Variants in NRXN1 observed in about 807,000 individuals in gnomAD.
NRXN1 encodes the protein neurexin 1.
NRXN1 carries 39 observed loss-of-function variants against 150.9 expected under a neutral mutation model. The ratio of observed to expected loss-of-function variants is 0.26; its 90% confidence interval spans 0.20 to 0.34. The LOEUF is 0.34. Ranked by LOEUF, NRXN1 falls within the 10% of genes least tolerant of loss-of-function variation. The pLI is 1.00. For synonymous variants in NRXN1, 924 were observed against 757.0 expected, an observed-to-expected ratio of 1.22 and a Z score of -3.62; for missense variants, 1,815 against 1,949.9, an observed-to-expected ratio of 0.93 and a Z score of 1.30.
intron 21 of NRXN1, among the ~76,000 whole-genome samples, chr2:49,962,264 A>G (rs1676102100): frequency 6.6e-6 from 1 of 152,214 alleles, no homozygotes; most frequent in South Asian, 2.1e-4. Context: ...GATTATCTCT[A>G]TGATACAGAC....
At chr2:50,012,162 T>C (rs1197368352) in intron 21 of NRXN1, among the ~76,000 whole-genome samples, 1 of 152,110 alleles carries the variant, frequency 6.6e-6, no homozygotes, top group Admixed American at 6.6e-5. Flanking sequence ...ATATTTAAAC[T>C]AGAGTCTTTT....
intron 8 of NRXN1, among the ~76,000 whole-genome samples, chr2:50,561,789 C>A (rs1669122556): frequency 1.4e-5 from 2 of 141,896 alleles, no homozygotes; most frequent in Non-Finnish European, 3.0e-5. Flanking sequence ...AGTAATTTCC[C>A]CCAATGATAG....
chr2:50,250,721 G>T lies in NRXN1; in HGVS notation c.3365-13751C>A, dbSNP rs17039312. Among the ~76,000 whole-genome samples, 257 of 151,860 alleles carry T rather than the reference G, an allele frequency of 1.7e-3. 7 individuals carry two copies. The East Asian group carries it at 0.045, about 27-fold the overall frequency. ...AAGACTGCACTTAGTAAGTGTCTTG[G>T]TGATATTTTGCTATTTATCATAAAT... On this transcript the variant is annotated intron_variant, in intron 17 of 22. Coordinates refer to ENST00000401669, the MANE Select transcript of NRXN1 (RefSeq NM_001330078.2).
chr2:50,633,707 T>C (rs923544056), intron 5 of NRXN1, among the ~76,000 whole-genome samples: 8 of 152,070 alleles, frequency 5.3e-5, no homozygotes, highest in East Asian at 1.9e-4. Context: ...AGAAAGAGCA[T>C]AGAATCCAAA....
At chr2:50,446,431 T>C (rs2086408353) in intron 17 of NRXN1, among the ~76,000 whole-genome samples, 1 of 117,578 alleles carries the variant, frequency 8.5e-6, no homozygotes, top group South Asian at 3.4e-4. Flanking sequence ...CTCCTTCCTT[T>C]CCTCCTTCCT....
At chr2:50,507,442 A>G (rs2092283032) in intron 12 of NRXN1, among the ~76,000 whole-genome samples, 1 of 152,138 alleles carries the variant, frequency 6.6e-6, no homozygotes, top group Non-Finnish European at 1.5e-5. Context: ...TAGTGATATT[A>G]AACAACAGTA....
intron 18 of NRXN1, among the ~76,000 whole-genome samples, chr2:50,153,403 T>C (rs1277426370): frequency 6.9e-6 from 1 of 144,620 alleles, no homozygotes; most frequent in Non-Finnish European, 1.5e-5. Flanking sequence ...AATTTTTTTT[T>C]TGTTGAAAAA....
At chr2:50,430,525 A>C (rs1316860254) in intron 17 of NRXN1, among the ~76,000 whole-genome samples, 2 of 152,218 alleles carry the variant, frequency 1.3e-5, no homozygotes, top group Non-Finnish European at 2.9e-5. Context: ...TTAAATAGTC[A>C]CATGAAGCCA....
intron 17 of NRXN1, among the ~76,000 whole-genome samples, chr2:50,396,677 T>C (rs1053650768): frequency 3.9e-5 from 6 of 152,108 alleles, no homozygotes; most frequent in Admixed American, 3.9e-4. Context: ...CAAGACTGTT[T>C]AAGTATAACC....
intron 2 of NRXN1, among the ~76,000 whole-genome samples, chr2:51,007,508 A>G (rs1440300518): frequency 6.6e-6 from 1 of 152,016 alleles, no homozygotes; most frequent in Non-Finnish European, 1.5e-5. Context: ...TAATAAGCAC[A>G]TAACCATTAT....
At chr2:50,844,896 C>T (rs748530074) in intron 5 of NRXN1, among the ~76,000 whole-genome samples, 1 of 151,626 alleles carries the variant, frequency 6.6e-6, no homozygotes, top group Non-Finnish European at 1.5e-5. Context: ...TTCTGTTGTT[C>T]AGGCTGGAGT....
At chr2:50,805,864 G>A (rs949908007) in intron 5 of NRXN1, among the ~76,000 whole-genome samples, 1 of 152,042 alleles carries the variant, frequency 6.6e-6, no homozygotes, top group South Asian at 2.1e-4. Context: ...CTTTTACAGG[G>A]TCCTTCTACT....
At chr2:50,864,862 A>G (rs185711382) in intron 5 of NRXN1, among the ~76,000 whole-genome samples, 106 of 152,072 alleles carry the variant, frequency 7.0e-4, no homozygotes, top group African/African-American at 2.5e-3. Context: ...TTATAACACA[A>G]ATTGCTGTGC....
chr2:50,729,095 TATA>T, intron 5 of NRXN1, among the ~76,000 whole-genome samples: 1 of 152,330 alleles, frequency 6.6e-6, no homozygotes, highest in Non-Finnish European at 1.5e-5. Context: ...CCCTCTAAAA[TATA>T]ATGATTTATA....
chr2:50,291,516 A>T (rs1289404840), intron 17 of NRXN1, among the ~76,000 whole-genome samples: 1 of 152,154 alleles, frequency 6.6e-6, no homozygotes, highest in Non-Finnish European at 1.5e-5. Flanking sequence ...ACCCAGCTCT[A>T]GAGAAGCATT....
chr2:50,828,855 C>T (rs1297261035), intron 5 of NRXN1, among the ~76,000 whole-genome samples: 1 of 152,194 alleles, frequency 6.6e-6, no homozygotes, highest in Non-Finnish European at 1.5e-5. Flanking sequence ...GCACTCTCGG[C>T]ACTTTGGGAG....
At chr2:50,182,625 C>G (rs1362008154) in intron 18 of NRXN1, among the ~76,000 whole-genome samples, 1 of 152,018 alleles carries the variant, frequency 6.6e-6, no homozygotes. Flanking sequence ...TTAAGTGGCC[C>G]TGGTTGTCTT....
At chr2:50,677,930 A>G (rs1217850273) in intron 5 of NRXN1, among the ~76,000 whole-genome samples, 2 of 152,166 alleles carry the variant, frequency 1.3e-5, no homozygotes, top group African/African-American at 4.8e-5. Flanking sequence ...ATTTTAAAGT[A>G]TGACAAATAG....
intron 5 of NRXN1, chr2:50,656,234 TA>T (rs1294214467): frequency 1.2e-5 from 7 of 575,164 alleles, no homozygotes; most frequent in Non-Finnish European, 1.6e-5. Context: ...TTTTTAAACT[TA>T]AAGTCTAATC....
Sources: gnomAD v4.1 joint callset for allele counts (sites outside exome capture counted in the v4.1 genomes callset) on GRCh38, gnomAD v4.1.1 for gene constraint, MANE v1.5 for transcripts, NCBI Gene and HGNC (gene_info 2026-07-23, HGNC 2026-07-21) for gene names.